Variants in NOS1AP observed in about 807,000 individuals in gnomAD.
NOS1AP encodes the protein carboxyl-terminal PDZ ligand of neuronal nitric oxide synthase protein.
NOS1AP carries 21 observed loss-of-function variants against 56.2 expected under a neutral mutation model. The observed-to-expected ratio is 0.37, with a 90% CI of 0.26 to 0.54. The LOEUF is 0.54. Among genes scored for constraint, NOS1AP ranks in the 20% least tolerant of loss-of-function variants. The pLI, the probability that NOS1AP is intolerant of heterozygous loss-of-function variation, is 0.84. For synonymous variants in NOS1AP, 270 were observed against 274.6 expected (o/e 0.98, Z 0.17); for missense variants, 522 against 657.8 (o/e 0.79, Z 2.26).
intron 2 of NOS1AP, among the ~76,000 whole-genome samples, chr1:162,204,233 C>T (rs912987276): frequency 6.6e-6 from 1 of 152,250 alleles, no homozygotes; most frequent in African/African-American, 2.4e-5. Flanking sequence ...TGCTGCCCTA[C>T]ATTACAGCTG....
At chr1:162,333,167 G>A in intron 5 of NOS1AP, 42 bp downstream of exon 5, 1 of 1,386,306 alleles carries the variant, frequency 7.2e-7, no homozygotes, top group Non-Finnish European at 1.0e-6. Flanking sequence ...TTCCTCTAAT[G>A]GTTCCAAAGC....
At chr1:162,303,644 G>T (rs1220396501) in intron 4 of NOS1AP, among the ~76,000 whole-genome samples, 1 of 152,070 alleles carries the variant, frequency 6.6e-6, no homozygotes, top group African/African-American at 2.4e-5. Context: ...GCCTCACTAT[G>T]TTGCCCAGGC....
chr1:162,335,161 C>G (rs985336190), intron 5 of NOS1AP, among the ~76,000 whole-genome samples: 6 of 152,188 alleles, frequency 3.9e-5, no homozygotes. Flanking sequence ...TCTCGTAGCT[C>G]TTACAGCGAA....
At chr1:162,225,350 A>T (rs1334804649) in intron 2 of NOS1AP, among the ~76,000 whole-genome samples, 1 of 152,026 alleles carries the variant, frequency 6.6e-6, no homozygotes. Flanking sequence ...CCCACTCCCT[A>T]GACCAGGACA....
chr1:162,088,777 A>G (rs1232538186), intron 1 of NOS1AP, among the ~76,000 whole-genome samples: 1 of 152,108 alleles, frequency 6.6e-6, no homozygotes, highest in African/African-American at 2.4e-5. Flanking sequence ...AGGCCTCCTC[A>G]TACTACTAAG....
intron 1 of NOS1AP, among the ~76,000 whole-genome samples, chr1:162,080,867 G>A (rs1395228157): frequency 2.6e-5 from 4 of 152,100 alleles, no homozygotes; most frequent in South Asian, 2.1e-4. Context: ...TCTATGAAAC[G>A]ATTAATTTAA....
At chr1:162,240,315 T>C (rs1056565711) in intron 2 of NOS1AP, among the ~76,000 whole-genome samples, 1 of 150,608 alleles carries the variant, frequency 6.6e-6, no homozygotes, top group African/African-American at 2.5e-5. Context: ...GGCACGTGGA[T>C]TGGGATTCCT....
intron 4 of NOS1AP, among the ~76,000 whole-genome samples, chr1:162,316,641 G>T (rs994662468): frequency 1.3e-5 from 2 of 152,228 alleles, no homozygotes; most frequent in East Asian, 3.8e-4. Context: ...GTCAGCAAAG[G>T]GTGGTGGGAT....
At chr1:162,163,876 G>T (rs913763459) in intron 2 of NOS1AP, among the ~76,000 whole-genome samples, 1 of 152,152 alleles carries the variant, frequency 6.6e-6, no homozygotes, top group African/African-American at 2.4e-5. Context: ...TCCTGAATCT[G>T]CACCAGACTG....
At chr1:162,126,584 A>G (rs1249098160) in intron 1 of NOS1AP, among the ~76,000 whole-genome samples, 2 of 151,872 alleles carry the variant, frequency 1.3e-5, no homozygotes, top group Non-Finnish European at 2.9e-5. Context: ...CATCCTGGAA[A>G]TCATCCATGC....
intron 3 of NOS1AP, among the ~76,000 whole-genome samples, chr1:162,291,086 G>T (rs536246712): frequency 3.1e-4 from 47 of 151,468 alleles, no homozygotes; most frequent in Non-Finnish European, 6.5e-4. Context: ...CTATGTTGTT[G>T]TTTCCCAATC....
At chr1:162,178,531 C>T (rs4442351) in intron 2 of NOS1AP, among the ~76,000 whole-genome samples, 79,450 of 152,056 alleles carry the variant, frequency 0.52, 22,736 homozygotes, top group East Asian at 0.76. Flanking sequence ...GGGCCTTCCA[C>T]TTTATAGGTG....
chr1:162,324,373 T>C (rs984517502), intron 4 of NOS1AP, among the ~76,000 whole-genome samples: 4 of 151,190 alleles, frequency 2.6e-5, no homozygotes, highest in African/African-American at 7.3e-5. Context: ...TCTTGAAATA[T>C]ATGAAAGGAT....
At chr1:162,364,595 G>A in intron 8 of NOS1AP, 1 of 985,488 alleles carries the variant, frequency 1.0e-6, no homozygotes, top group Non-Finnish European at 1.2e-6. Flanking sequence ...TCTGCCTTAA[G>A]AAGGTTGGAA....
At chr1:162,352,977 C>A (rs1283101696) in intron 6 of NOS1AP, among the ~76,000 whole-genome samples, 3 of 152,124 alleles carry the variant, frequency 2.0e-5, no homozygotes, top group Non-Finnish European at 4.4e-5. Context: ...TATAGGATGC[C>A]ATTCTCCATT....
chr1:162,088,091 TA>T (rs1692043661), intron 1 of NOS1AP, among the ~76,000 whole-genome samples: 1 of 152,054 alleles, frequency 6.6e-6, no homozygotes, highest in Non-Finnish European at 1.5e-5. Context: ...AGGCAAAGGA[TA>T]AAAAAGATTT....
chr1:162,257,470 G>C (rs904946704), intron 2 of NOS1AP, among the ~76,000 whole-genome samples: 1 of 152,012 alleles, frequency 6.6e-6, no homozygotes, highest in Admixed American at 6.5e-5. Context: ...GCAACATGAC[G>C]AAACCCTGTC....
At chr1:162,114,303 G>A (rs749983954) in intron 1 of NOS1AP, among the ~76,000 whole-genome samples, 3 of 151,480 alleles carry the variant, frequency 2.0e-5, no homozygotes, top group East Asian at 2.0e-4. Context: ...TGTGGGAGCC[G>A]TTAGACAAGT....
intron 5 of NOS1AP, among the ~76,000 whole-genome samples, chr1:162,337,977 A>C (rs900271898): frequency 4.6e-5 from 7 of 152,370 alleles, no homozygotes; most frequent in Middle Eastern, 3.4e-3. Flanking sequence ...TAAATTCCAT[A>C]GATTAAGATC....
Sources: gnomAD v4.1 joint callset for allele counts (sites outside exome capture counted in the v4.1 genomes callset) on GRCh38, gnomAD v4.1.1 for gene constraint, MANE v1.5 for transcripts, NCBI Gene and HGNC (gene_info 2026-07-23, HGNC 2026-07-21) for gene names.